TUBGCP4: variants seen among roughly 807,000 people sequenced by gnomAD.
The protein encoded by TUBGCP4 is gamma-tubulin complex component 4.
TUBGCP4 carries 54 observed loss-of-function variants against 91.6 expected under a neutral mutation model. The ratio of observed to expected loss-of-function variants is 0.59; its 90% CI spans 0.47 to 0.74. TUBGCP4 has a LOEUF of 0.74. Ranked by LOEUF, TUBGCP4 falls within the 30% of genes least tolerant of loss-of-function variation. TUBGCP4 has a pLI of 0.00. For missense variants in TUBGCP4, 593 were observed against 800.9 expected (o/e 0.74, Z 3.13); for synonymous variants, 297 against 302.8 (o/e 0.98, Z 0.20).
At chr15:43,392,122 A>ACACAT (rs950792845) in intron 9 of TUBGCP4, among the ~76,000 whole-genome samples, 1 of 142,186 alleles carries the variant, frequency 7.0e-6, no homozygotes, top group East Asian at 2.1e-4. Context: ...ACACACACAT[A>ACACAT]TTTTTTTTTG....
chr15:43,407,872 C>A lies in TUBGCP4; in HGVS notation c.*2658C>A. 6.8e-7 allele frequency: 1 copy of A among 1,462,278 alleles called. No individual in the cohort carries two copies. Among genetic ancestry groups the A allele is most frequent in the Non-Finnish European group, 9.2e-7 (1 of 1,084,204 alleles). The allele number at this position is 1,462,278 out of a possible 1,614,324, so 90.6% of individuals were successfully genotyped here. A position where few individuals can be genotyped will look rare whatever the true frequency, so the allele number is the denominator to read the frequency against. On this transcript the variant is annotated 3_prime_UTR_variant, in exon 18 of 18. Transcript: ENST00000564079. ...AACCTATTAGGCCTGAGCCTTGGAC[C>A]ACAAGGCCTAACACCTACAGGTCTA...
chr15:43,395,565 T>C lies in TUBGCP4; in HGVS notation c.1066-18T>C, dbSNP rs1055438539. The C allele has an allele frequency of 6.8e-5, 109 of 1,595,042 alleles. No homozygotes were observed. In the East Asian group the frequency reaches 2.3e-3, roughly 33 times the overall value. Reference sequence around the variant, plus strand: ...CTGCCTTGCTTTACTGAATTGTAAATTGAAATTCTTTCCTCAGATCATTAA... The same window carrying C: ...CTGCCTTGCTTTACTGAATTGTAAACTGAAATTCTTTCCTCAGATCATTAA... On this transcript the variant is annotated intron_variant, in intron 10 of 17. Coordinates refer to ENST00000564079, the MANE Select transcript of TUBGCP4 (RefSeq NM_014444.5).
chr15:43,372,657 A>T (rs763219783), intron 1 of TUBGCP4, among the ~76,000 whole-genome samples: 1 of 152,322 alleles, frequency 6.6e-6, no homozygotes, highest in South Asian at 2.1e-4. Context: ...CAAGTAATTC[A>T]TCTTTTCCCT....
intron 5 of TUBGCP4, among the ~76,000 whole-genome samples, chr15:43,378,962 A>G (rs544870088): frequency 6.6e-6 from 1 of 152,330 alleles, no homozygotes; most frequent in South Asian, 2.1e-4. Flanking sequence ...TTCTAGGCAA[A>G]TAGAGTTAAT....
rs1284688879 is a variant in TUBGCP4, at chr15:43,408,380, C to G, written c.*3166C>G. On this transcript the variant is annotated 3_prime_UTR_variant, in exon 18 of 18. Transcript: ENST00000564079. ...CCTGTAGTCCCAGCAGCTTGGGAGGCTGAGGTAGGGGGATCACTTCAGCCT... is the reference window on the plus strand; with the variant it reads ...CCTGTAGTCCCAGCAGCTTGGGAGGGTGAGGTAGGGGGATCACTTCAGCCT... 3 of 314,828 alleles carry G rather than the reference C, an allele frequency of 9.5e-6. No homozygotes were observed. The highest frequency in any genetic ancestry group is 1.8e-5 in the Non-Finnish European group (3 of 166,290). The allele number at this position is 314,828 out of a possible 1,614,324, so 19.5% of individuals were successfully genotyped here.
chr15:43,396,961 A>T (rs993398244), intron 11 of TUBGCP4, among the ~76,000 whole-genome samples: 6 of 152,196 alleles, frequency 3.9e-5, no homozygotes, highest in African/African-American at 1.4e-4. Flanking sequence ...TACCCCTAGA[A>T]TCAGGTGTTG....
At position 43,406,816 on chromosome 15, in the gene TUBGCP4, G is replaced by A. The variant is rs925002545; in HGVS notation, c.*1602G>A. On this transcript the variant is annotated 3_prime_UTR_variant, in exon 18 of 18. Coordinates refer to ENST00000564079, the MANE Select transcript of TUBGCP4 (RefSeq NM_014444.5). Reference sequence around the variant, plus strand: ...TCATTCCATCAAGCTTATGGTCACTGTCCCTTCATGGCAGTTGGTCCTTTC... The same window carrying A: ...TCATTCCATCAAGCTTATGGTCACTATCCCTTCATGGCAGTTGGTCCTTTC... 2.9e-6 allele frequency: 1 copy of A among 341,780 alleles called. No homozygotes were observed. The highest frequency in any genetic ancestry group is 3.8e-5 in the Admixed American group (1 of 26,494). The allele number at this position is 341,780 out of a possible 1,614,324, so 21.2% of individuals were successfully genotyped here. A position where few individuals can be genotyped will look rare whatever the true frequency, so the allele number is the denominator to read the frequency against.
At chr15:43,402,017 A>T (rs536234827) in intron 15 of TUBGCP4, 167 bp downstream of exon 15, 1 of 832,504 alleles carries the variant, frequency 1.2e-6, no homozygotes, top group Admixed American at 3.2e-5. Context: ...TCATGCCTGT[A>T]ATCCCAGCAC....
chr15:43,392,796 G>C (rs1298361649), intron 9 of TUBGCP4, among the ~76,000 whole-genome samples: 4 of 152,086 alleles, frequency 2.6e-5, no homozygotes, highest in Admixed American at 1.3e-4. Context: ...ACTACACCTG[G>C]CCTAATATAT....
Position 43,383,497 on chromosome 15 carries a change from A to AGGACTTG in TUBGCP4, c.718_723+1dup. 6.2e-7 allele frequency: 1 copy of AGGACTTG among 1,604,580 alleles called. No individual in the cohort carries two copies. The highest frequency in any genetic ancestry group is 8.5e-7 in the Non-Finnish European group (1 of 1,175,570). ...ACAGGAAAACAACTGAGAGAACTGC[A>AGGACTTG]GGACTTGGTGAGAGCCCAAAAAGTA... On this transcript the variant is annotated frameshift_variant, in exon 7 of 18. Coordinates refer to ENST00000564079, the MANE Select transcript of TUBGCP4 (RefSeq NM_014444.5). LOFTEE classifies it high-confidence loss of function.
Position 43,395,697 on chromosome 15 carries a change from C to T in TUBGCP4, c.1171+9C>T. The T allele has an allele frequency of 6.2e-7, 1 of 1,606,744 alleles. No homozygotes were observed. Among genetic ancestry groups the T allele is most frequent in the Non-Finnish European group, 8.5e-7 (1 of 1,173,406 alleles). On this transcript the variant is annotated intron_variant, in intron 11 of 17. Coordinates refer to ENST00000564079, the MANE Select transcript of TUBGCP4 (RefSeq NM_014444.5). ...TGCAGTAACTGAGCATGGTAATTGT[C>T]AGTGGCCCTGAGAATGATCAACTGA...
intron 6 of TUBGCP4, among the ~76,000 whole-genome samples, chr15:43,381,745 A>G (rs1267068178): frequency 6.6e-6 from 1 of 152,112 alleles, no homozygotes; most frequent in Non-Finnish European, 1.5e-5. Context: ...ACAAAAAACA[A>G]AAAAAACCAA....
intron 13 of TUBGCP4, 170 bp downstream of exon 13, chr15:43,398,349 C>G: frequency 4.9e-6 from 3 of 608,928 alleles, no homozygotes; most frequent in Non-Finnish European, 7.9e-6. Flanking sequence ...ATTTCAAATC[C>G]ATCCTGGGCA....
Position 43,400,169 on chromosome 15 carries a change from G to A in TUBGCP4, c.1544G>A (p.Arg515His), listed in dbSNP as rs2044648507. 6.2e-7 allele frequency: 1 copy of A among 1,614,140 alleles called. No individual in the cohort carries two copies. The highest frequency in any genetic ancestry group is 8.5e-7 in the Non-Finnish European group (1 of 1,180,034). ...AACCAGACTGATGCAATCAAGTGGC[G>A]CCTAAGAAATCACATGGCATTTTTG... ...KSNQTDAIKW[R>H]LRNHMAFLVD... The change falls in exon 14 of 18, where the codon CGC (arginine) becomes CAC (histidine). Residue 515 changes from arginine to histidine, a missense_variant. Coordinates refer to ENST00000564079, the MANE Select transcript of TUBGCP4 (RefSeq NM_014444.5).
chr15:43,401,910 G>T (rs2444036), intron 15 of TUBGCP4, 60 bp downstream of exon 15: 2 of 1,575,136 alleles, frequency 1.3e-6, no homozygotes, highest in Non-Finnish European at 1.7e-6. Flanking sequence ...CCCTTAGGCA[G>T]TTTGAGTTGA....
intron 13 of TUBGCP4, 89 bp from the exon 14 acceptor site, chr15:43,399,955 T>G: frequency 1.1e-6 from 1 of 896,678 alleles, no homozygotes; most frequent in Non-Finnish European, 1.7e-6. Context: ...GTGAGAGGAG[T>G]GGGTGGCACA....
chr15:43,409,492 T>C lies in TUBGCP4; in HGVS notation c.*4278T>C. 1.9e-6 allele frequency: 1 copy of C among 519,228 alleles called. No homozygotes were observed. Among genetic ancestry groups the C allele is most frequent in the East Asian group, 3.0e-5 (1 of 33,166 alleles). The allele number at this position is 519,228 out of a possible 1,614,324, so 32.2% of individuals were successfully genotyped here. On this transcript the variant is annotated 3_prime_UTR_variant, in exon 18 of 18. Coordinates refer to ENST00000564079, the MANE Select transcript of TUBGCP4 (RefSeq NM_014444.5). ...TCTCTTCCCTATACACAACAAAAAT[T>C]CTATTTCATGCAAAAACATTTTGGC... is the stretch of plus-strand genomic sequence containing the variant.
chr15:43,398,365 G>T, intron 13 of TUBGCP4, 186 bp downstream of exon 13: 3 of 446,232 alleles, frequency 6.7e-6, no homozygotes, highest in East Asian at 3.7e-5. Flanking sequence ...GGGCAACATA[G>T]TAAGACCCCC....
intron 8 of TUBGCP4, 46 bp from the exon 9 acceptor site, chr15:43,386,160 C>G (rs749433893): frequency 1.3e-6 from 2 of 1,576,726 alleles, no homozygotes; most frequent in African/African-American, 2.7e-5. Context: ...CCTAACTGTC[C>G]TGGGTATTCT....
Sources: allele counts gnomAD v4.1 joint callset (sites outside exome capture counted in the v4.1 genomes callset), GRCh38; gene constraint gnomAD v4.1.1; transcripts MANE v1.5; gene names NCBI Gene and HGNC (gene_info 2026-07-23, HGNC 2026-07-21).